Variants in TNRC6B observed in about 807,000 individuals in gnomAD.
The protein encoded by TNRC6B is trinucleotide repeat-containing gene 6B protein.
In TNRC6B, 52 loss-of-function variants were observed where a neutral mutation model predicts 203.6. That is an observed-to-expected ratio of 0.26 (90% CI 0.20 to 0.32). The LOEUF (loss-of-function observed/expected upper bound fraction) is 0.32. Among genes scored for constraint, TNRC6B ranks in the 10% least tolerant of loss-of-function variants. The probability of loss-of-function intolerance (pLI) is 1.00; values close to 1 mark genes in which losing one functional copy is unlikely to be tolerated. For synonymous variants in TNRC6B, 838 were observed against 845.7 expected (o/e 0.99, Z 0.16); for missense variants, 1,923 against 2,286.2 (o/e 0.84, Z 3.24).
intron 1 of TNRC6B, among the ~76,000 whole-genome samples, chr22:40,241,900 G>T (rs938487064): frequency 1.3e-5 from 2 of 152,086 alleles, no homozygotes; most frequent in Non-Finnish European, 2.9e-5. Flanking sequence ...TGTTGATGTT[G>T]TTCCAGATTT....
intron 15 of TNRC6B, among the ~76,000 whole-genome samples, chr22:40,302,431 G>A (rs139016403): frequency 0.011 from 1,663 of 152,158 alleles, 15 homozygotes; most frequent in Non-Finnish European, 0.019. Context: ...TCAGGAGATC[G>A]AGACCAGCCT....
chr22:40,217,820 C>G (rs1282728875), intron 1 of TNRC6B, among the ~76,000 whole-genome samples: 1 of 151,854 alleles, frequency 6.6e-6, no homozygotes, highest in Non-Finnish European at 1.5e-5. Flanking sequence ...ACTAAAAATA[C>G]AAAAATTAGC....
At chr22:40,161,430 T>C (rs541404457) in intron 4 of TNRC6B, among the ~76,000 whole-genome samples, 1 of 152,308 alleles carries the variant, frequency 6.6e-6, no homozygotes, top group South Asian at 2.1e-4. Context: ...TTGTAATGAT[T>C]AGGACTAAAA....
In TNRC6B at chr22:40,208,130, AAAC is replaced by A. The variant is rs1303715500; in HGVS notation, c.5+29993_5+29995del. Among the ~76,000 whole-genome samples the A allele has an allele frequency of 1.2e-3, 125 of 106,020 alleles. 1 individual carries two copies. Among genetic ancestry groups the A allele is most frequent in the Non-Finnish European group, 1.9e-3 (83 of 43,784 alleles). 69.6% of individuals were successfully genotyped at this position (106,020 alleles called of 152,430 possible). A position where few individuals can be genotyped will look rare whatever the true frequency, so the allele number is the denominator to read the frequency against. ...CCATCTCAAAAAAAAAAAAAAAAAA[AAAC>A]AAAAAAACAAGAAAAAAACAAGTTT... On this transcript the variant is annotated intron_variant, in intron 1 of 22. Transcript: ENST00000454349.
intron 1 of TNRC6B, among the ~76,000 whole-genome samples, chr22:40,087,928 C>T (rs2068114258): frequency 6.6e-6 from 1 of 152,144 alleles, no homozygotes; most frequent in South Asian, 2.1e-4. Flanking sequence ...CTTTTCAGGA[C>T]CTCTTGGTCC....
intron 1 of TNRC6B, among the ~76,000 whole-genome samples, chr22:40,195,122 T>C (rs2069320484): frequency 6.6e-6 from 1 of 152,220 alleles, no homozygotes; most frequent in Non-Finnish European, 1.5e-5. Context: ...TCATGGTACC[T>C]TTTTTGTTTG....
intron 4 of TNRC6B, among the ~76,000 whole-genome samples, chr22:40,263,440 G>C (rs186630001): frequency 8.5e-5 from 13 of 152,308 alleles, no homozygotes; most frequent in Admixed American, 8.5e-4. Flanking sequence ...GCCCTGTCAG[G>C]CGGAGTTTCT....
chr22:40,246,280 C>G (rs1054541136), intron 2 of TNRC6B, 178 bp downstream of exon 2: 5 of 409,490 alleles, frequency 1.2e-5, no homozygotes, highest in African/African-American at 8.3e-5. Context: ...ACCTCCGCTT[C>G]CCAGGTTTAA....
At chr22:40,156,975 A>G (rs1018936508) in intron 4 of TNRC6B, among the ~76,000 whole-genome samples, 2 of 151,766 alleles carry the variant, frequency 1.3e-5, no homozygotes, top group African/African-American at 4.8e-5. Context: ...GGGTTTCACC[A>G]TGTTAGTCAG....
At chr22:40,202,241 G>C (rs2069421703) in intron 1 of TNRC6B, among the ~76,000 whole-genome samples, 1 of 88,528 alleles carries the variant, frequency 1.1e-5, no homozygotes, top group East Asian at 2.0e-4. Context: ...AAATGTGTAT[G>C]TGTTGTTGTT....
chr22:40,223,652 A>T (rs1460622869), intron 1 of TNRC6B, among the ~76,000 whole-genome samples: 1 of 152,190 alleles, frequency 6.6e-6, no homozygotes, highest in Non-Finnish European at 1.5e-5. Context: ...AGGTATAATA[A>T]CGTATTTAAC....
In TNRC6B at chr22:40,278,019, A is replaced by T; in HGVS notation, c.3237A>T (p.Pro1079=). 6.4e-7 allele frequency: 1 copy of T among 1,562,692 alleles called. No individual in the cohort carries two copies. Among genetic ancestry groups the T allele is most frequent in the Non-Finnish European group, 8.7e-7 (1 of 1,151,146 alleles). The part of the protein sequence containing the change: ...MGLLSQTEDN[P]SSKMDLSVGS... Reference sequence around the variant, plus strand: ...TCCAGAGTCAGACTGAAGATAATCCAAGCAGCAAAATGGATTTGTCTGTAG... The same window carrying T: ...TCCAGAGTCAGACTGAAGATAATCCTAGCAGCAAAATGGATTTGTCTGTAG... The change falls in exon 9 of 23, where the codon CCA becomes CCT. Residue 1079 remains proline (P), a synonymous_variant. Coordinates refer to ENST00000454349, the MANE Select transcript of TNRC6B (RefSeq NM_001162501.2).
At chr22:40,264,288 G>A (rs2070437102) in intron 4 of TNRC6B, among the ~76,000 whole-genome samples, 1 of 152,154 alleles carries the variant, frequency 6.6e-6, no homozygotes, top group African/African-American at 2.4e-5. Flanking sequence ...GTGCACTAAG[G>A]AACTGTTGAA....
Position 40,069,192 on chromosome 22 carries a change from C to T in TNRC6B, c.-121+24194C>T, listed in dbSNP as rs534970572. The stretch of plus-strand genomic sequence containing the variant: ...GCCCCACTGCATGCAGCCTCAAATT[C>T]GTGGGCTCAAGCAGCCCTCGCACCT... On this transcript the variant is annotated intron_variant, in intron 1 of 23. Transcript: ENST00000301923. 2.2e-4 allele frequency among the ~76,000 whole-genome samples: 33 copies of T among 152,196 alleles called. No homozygotes were observed. The Middle Eastern group carries it at 0.01, about 47-fold the overall frequency.
chr22:40,268,230 C>A (rs917285863), intron 5 of TNRC6B, among the ~76,000 whole-genome samples: 1 of 152,130 alleles, frequency 6.6e-6, no homozygotes, highest in Non-Finnish European at 1.5e-5. Flanking sequence ...GGATTACAGG[C>A]ACCCACTGCC....
At chr22:40,306,018 C>T (rs544761925) in intron 15 of TNRC6B, among the ~76,000 whole-genome samples, 2 of 152,092 alleles carry the variant, frequency 1.3e-5, no homozygotes, top group African/African-American at 2.4e-5. Context: ...ACTGGCTGGG[C>T]GCGGTGGCTC....
At chr22:40,176,171 C>G (rs2069055996), upstream of TNRC6B, among the ~76,000 whole-genome samples, 1 of 146,126 alleles carries the variant, frequency 6.8e-6, no homozygotes, top group Non-Finnish European at 1.5e-5. Flanking sequence ...GCTGCCCAGT[C>G]TGGAGTGCAA....
rs2071443539 is a variant in TNRC6B, at chr22:40,329,606, A to G, written c.*6365A>G. On this transcript the variant is annotated 3_prime_UTR_variant, in exon 23 of 23. Transcript: ENST00000454349. ...CCCCATGCCTCTGAAGAAAGAGGCC[A>G]TGAACCTACGAGGTGGTAAAGGGGG... 2.0e-5 allele frequency: 3 copies of G among 152,188 alleles called. No homozygotes were observed. Among genetic ancestry groups the G allele is most frequent in the East Asian group, 3.8e-4 (2 of 5,204 alleles). 9.4% of individuals were successfully genotyped at this position (152,188 alleles called of 1,614,324 possible).
upstream of TNRC6B, among the ~76,000 whole-genome samples, chr22:40,173,585 T>C (rs1015690762): frequency 1.3e-5 from 2 of 150,088 alleles, no homozygotes; most frequent in African/African-American, 4.9e-5. Flanking sequence ...GCTGACTTTT[T>C]TTATTTTTTT....
Sources: gnomAD v4.1 joint callset for allele counts (sites outside exome capture counted in the v4.1 genomes callset) on GRCh38, gnomAD v4.1.1 for gene constraint, MANE v1.5 for transcripts, NCBI Gene and HGNC (gene_info 2026-07-23, HGNC 2026-07-21) for gene names.